Variants in ERCC6 observed in about 807,000 individuals in gnomAD.
ERCC6 encodes the protein DNA excision repair protein ERCC-6.
ERCC6 carries 116 observed loss-of-function variants against 158.7 expected under a neutral mutation model. The observed-to-expected ratio is 0.73, with a 90% CI of 0.63 to 0.85. ERCC6 has a LOEUF of 0.85. ERCC6 is among the 40% of genes least tolerant of loss of function. ERCC6 has a pLI of 0.00. For missense variants in ERCC6, 1,698 were observed against 1,799.4 expected (o/e 0.94, Z 1.02); for synonymous variants, 678 against 659.3 (o/e 1.03, Z -0.43).
chr10:49,440,461 A>T, the ERCC6 span, among the ~76,000 whole-genome samples: 1 of 152,144 alleles, frequency 6.6e-6, no homozygotes, highest in African/African-American at 2.4e-5. Flanking sequence ...TCTACAATTC[A>T]AGTTGAGATT....
Position 49,471,214 on chromosome 10 carries a change from C to T in ERCC6, c.2925-94G>A, listed in dbSNP as rs1850774097. The T allele has an allele frequency of 1.4e-5, 17 of 1,258,848 alleles. No homozygotes were observed. In the South Asian group the frequency reaches 2.1e-4, roughly 16 times the overall value. 78.0% of individuals were successfully genotyped at this position (1,258,848 alleles called of 1,614,324 possible). ...CAATATAAGAGAGAGATGATAACAGCTGCTGCATGAATGGCTAAATAATCC... is the reference window on the plus strand; with the variant it reads ...CAATATAAGAGAGAGATGATAACAGTTGCTGCATGAATGGCTAAATAATCC... On this transcript the variant is annotated intron_variant, in intron 16 of 20. Coordinates refer to ENST00000355832, the MANE Select transcript of ERCC6 (RefSeq NM_000124.4).
At chr10:49,466,674 G>T (rs1850680754) in intron 18 of ERCC6, among the ~76,000 whole-genome samples, 1 of 152,210 alleles carries the variant, frequency 6.6e-6, no homozygotes, top group Admixed American at 6.5e-5. Flanking sequence ...TGTCATGACT[G>T]TGTGTTTTCT....
intron 18 of ERCC6, among the ~76,000 whole-genome samples, chr10:49,462,446 T>C (rs550025453): frequency 1.3e-4 from 20 of 152,140 alleles, no homozygotes; most frequent in African/African-American, 4.8e-4. Flanking sequence ...GATCTATATG[T>C]AGAAAAGGCT....
chr10:49,499,757 A>G (rs1184165164), intron 7 of ERCC6, among the ~76,000 whole-genome samples: 1 of 152,244 alleles, frequency 6.6e-6, no homozygotes, highest in African/African-American at 2.4e-5. Flanking sequence ...TTCAAAATAA[A>G]GTATTTCAGT....
rs1564442377 is a variant in ERCC6, at chr10:49,524,332, G to A, written c.1098C>T (p.Asp366=). Reference sequence around the variant, plus strand: ...AATACTCAGACTCTTCACCCTCAGAGTCTCCCTCTGCCTCTGGCCTCATGT... The same window carrying A: ...AATACTCAGACTCTTCACCCTCAGAATCTCCCTCTGCCTCTGGCCTCATGT... ...ESDMRPEAEG[D]SEGEESEYFP... is the part of the protein sequence containing the mutation. Residue 366 remains aspartate, a synonymous_variant, in exon 5 of 21, where the codon GAC becomes GAT. Coordinates refer to ENST00000355832, the MANE Select transcript of ERCC6 (RefSeq NM_000124.4). The A allele has an allele frequency of 6.2e-7, 1 of 1,614,028 alleles. No homozygotes were observed. Among genetic ancestry groups the A allele is most frequent in the East Asian group, 2.2e-5 (1 of 44,870 alleles).
In ERCC6 at chr10:49,524,769, G is replaced by A. The variant is rs753790407; in HGVS notation, c.661C>T (p.Pro221Ser). The A allele has an allele frequency of 1.9e-6, 3 of 1,601,722 alleles. No homozygotes were observed. Among genetic ancestry groups the A allele is most frequent in the African/African-American group, 2.7e-5 (2 of 74,872 alleles). Residue 221 changes from proline (P) to serine (S), a missense_variant, in exon 5 of 21, where the codon CCA becomes TCA. By Grantham distance (74) the Pro-to-Ser change is moderately conservative. Transcript: ENST00000355832. ...ATGAGCATGCTGCCAAGACTGGATG[G>A]CCCCGGCTCTGAAAGAACAATAGCA... ...ASLEEDAEPG[P>S]SSLGSMLMPV...
intron 7 of ERCC6, 68 bp from the exon 8 acceptor site, chr10:49,493,320 A>G: frequency 6.3e-7 from 1 of 1,589,818 alleles, no homozygotes; most frequent in Non-Finnish European, 8.6e-7. Flanking sequence ...TGCTCAAAAG[A>G]TCCCCCAAAA....
At chr10:49,446,940 T>C in the ERCC6 span, among the ~76,000 whole-genome samples, 1 of 152,234 alleles carries the variant, frequency 6.6e-6, no homozygotes, top group Non-Finnish European at 1.5e-5. Flanking sequence ...TCCAGAACTG[T>C]TGAAGGACAT....
chr10:49,467,501 G>T (rs1410394750), intron 18 of ERCC6, among the ~76,000 whole-genome samples: 1 of 151,934 alleles, frequency 6.6e-6, no homozygotes, highest in Non-Finnish European at 1.5e-5. Flanking sequence ...ATATTTATTT[G>T]CCATCTACAT....
chr10:49,524,172 G>A lies in ERCC6; in HGVS notation c.1258C>T (p.Gln420Ter), dbSNP rs777002239. ...GGGAAAAAGTCATCATCAATCTCCT[G>A]CACTGGCACTTTCTTCTGCCGTTTC... is the stretch of plus-strand genomic sequence containing the variant. ...GGKRQKKVPVQEIDDDFFPSS... is the reference protein window; with the variant it reads ...GGKRQKKVPV The change falls in exon 5 of 21, where the codon CAG becomes TAG. Residue 420 changes from glutamine to a stop codon, truncating the protein, a stop_gained. Coordinates refer to ENST00000355832, the MANE Select transcript of ERCC6 (RefSeq NM_000124.4). LOFTEE classifies it high-confidence loss of function. 1 of 1,614,082 alleles carries A rather than the reference G, an allele frequency of 6.2e-7. No individual in the cohort carries two copies. The highest frequency in any genetic ancestry group is 8.5e-7 in the Non-Finnish European group (1 of 1,180,032).
At chr10:49,537,487 C>CTATATA (rs200156549) in intron 1 of ERCC6, among the ~76,000 whole-genome samples, 400 of 145,160 alleles carry the variant, frequency 2.8e-3, no homozygotes, top group African/African-American at 9.3e-3. Flanking sequence ...CATTTAAAAA[C>CTATATA]TATATATATA....
chr10:49,536,449 G>C (rs79490275), intron 1 of ERCC6, among the ~76,000 whole-genome samples: 3 of 152,042 alleles, frequency 2.0e-5, no homozygotes, highest in Admixed American at 6.5e-5. Flanking sequence ...CATCTTTCTC[G>C]GACTCTGGCA....
In ERCC6 at chr10:49,458,780, A is replaced by C; in HGVS notation, c.*35T>G. On this transcript the variant is annotated 3_prime_UTR_variant, in exon 21 of 21. Transcript: ENST00000355832. ...ATTAATAATCAGAAATGCCCGTTAG[A>C]AAAAGGGACTTGAAAGTTTAGGAAG... The C allele has an allele frequency of 6.2e-7, 1 of 1,605,760 alleles. No individual in the cohort carries two copies. Among genetic ancestry groups the C allele is most frequent in the East Asian group, 2.2e-5 (1 of 44,854 alleles).
At chr10:49,508,797 G>C (rs1004319295) in intron 5 of ERCC6, among the ~76,000 whole-genome samples, 3 of 152,132 alleles carry the variant, frequency 2.0e-5, no homozygotes, top group Non-Finnish European at 4.4e-5. Flanking sequence ...CACAGCTAAA[G>C]ATGGGGCCGA....
Position 49,459,082 on chromosome 10 carries a change from T to C in ERCC6, c.4215A>G (p.Leu1405=). The C allele has an allele frequency of 6.2e-7, 1 of 1,614,226 alleles. No homozygotes were observed. Among genetic ancestry groups the C allele is most frequent in the African/African-American group, 1.3e-5 (1 of 75,054 alleles). The change falls in exon 21 of 21, where the codon TTA becomes TTG. Residue 1405 remains leucine (L), a synonymous_variant. Coordinates refer to ENST00000355832, the MANE Select transcript of ERCC6 (RefSeq NM_000124.4). ...CCTGCAGGTGCCCGCTTTCACTTTCTAAACGCTCTGGCAGAATCAGGTGGT... is the reference window on the plus strand; with the variant it reads ...CCTGCAGGTGCCCGCTTTCACTTTCCAAACGCTCTGGCAGAATCAGGTGGT... ...ARNHLILPER[L]ESESGHLQEA...
intron 7 of ERCC6, among the ~76,000 whole-genome samples, chr10:49,494,522 C>A (rs919801273): frequency 6.6e-6 from 1 of 152,144 alleles, no homozygotes; most frequent in Non-Finnish European, 1.5e-5. Flanking sequence ...ATGCATTCCC[C>A]TCTCCCTTTT....
intron 10 of ERCC6, among the ~76,000 whole-genome samples, chr10:49,480,717 T>A (rs1266325717): frequency 6.6e-6 from 1 of 152,188 alleles, no homozygotes; most frequent in Non-Finnish European, 1.5e-5. Context: ...TCACCCATAG[T>A]GGAACAAACA....
At chr10:49,452,347 T>C (rs766276749), downstream of ERCC6, among the ~76,000 whole-genome samples, 2 of 152,204 alleles carry the variant, frequency 1.3e-5, no homozygotes, top group South Asian at 2.1e-4. Flanking sequence ...CTTTGGTCTA[T>C]TGGTCATTTA....
downstream of ERCC6, among the ~76,000 whole-genome samples, chr10:49,452,585 G>A (rs58927526): frequency 0.037 from 5,556 of 152,110 alleles, 344 homozygotes; most frequent in African/African-American, 0.13. Flanking sequence ...ATAGATGTCT[G>A]TTAGGGCTAG....
Sources: gnomAD v4.1 joint callset for allele counts (sites outside exome capture counted in the v4.1 genomes callset) on GRCh38, gnomAD v4.1.1 for gene constraint, MANE v1.5 for transcripts, NCBI Gene and HGNC (gene_info 2026-07-23, HGNC 2026-07-21) for gene names.